The following TGM2 variants were observed in gnomAD, a reference collection of about 807,000 sequenced individuals.
The protein encoded by TGM2 is protein-glutamine gamma-glutamyltransferase 2.
A neutral mutation model predicts 75.6 loss-of-function variants in TGM2; 53 were observed. That is an observed-to-expected ratio of 0.70 (90% CI 0.56 to 0.88). The LOEUF (loss-of-function observed/expected upper bound fraction) is 0.88, where lower values mean the gene tolerates loss of function less well. Ranked by LOEUF, TGM2 falls within the 40% of genes least tolerant of loss-of-function variation. The pLI, the probability that TGM2 is intolerant of heterozygous loss-of-function variation, is 0.00. For missense variants in TGM2, 842 were observed against 928.5 expected, an observed-to-expected ratio of 0.91 and a Z score of 1.21; for synonymous variants, 374 against 381.1, an observed-to-expected ratio of 0.98 and a Z score of 0.22.
rs374295535 is a variant in TGM2, at chr20:38,141,277, C to T, written c.1099+5G>A. ...TGTTTGACGCGACAGTGCCCGCCCA[C>T]GCACCTTCGCTCTTCTCCTGGGGCG... On this transcript the variant is annotated splice_donor_5th_base_variant and intron_variant, in intron 8 of 12. Coordinates refer to ENST00000361475, the MANE Select transcript of TGM2 (RefSeq NM_004613.4). 173 of 1,564,016 alleles carry T rather than the reference C, an allele frequency of 1.1e-4. No individual in the cohort carries two copies. Among genetic ancestry groups the T allele is most frequent in the Non-Finnish European group, 1.4e-4 (163 of 1,153,402 alleles).
At position 38,161,363 on chromosome 20, in the gene TGM2, G is replaced by A. The variant is rs537164059; in HGVS notation, c.190+57C>T. 1.1e-5 allele frequency: 18 copies of A among 1,598,012 alleles called. No homozygotes were observed. The African/African-American group carries it at 2.1e-4, about 19-fold the overall frequency. ...TGTCAGGGTTCTGGGGCATGTCGGG[G>A]TGGAGAGGAAGTGGTGGTGGTGGTG... is the stretch of plus-strand genomic sequence containing the variant. On this transcript the variant is annotated intron_variant, in intron 2 of 12. Transcript: ENST00000361475.
In TGM2 at chr20:38,142,152, A is replaced by G; in HGVS notation, c.907T>C (p.Ser303Pro). The change falls in exon 7 of 13, where the codon TCG becomes CCG. Residue 303 changes from serine to proline, a missense_variant. Coordinates refer to ENST00000361475, the MANE Select transcript of TGM2 (RefSeq NM_004613.4). Reference protein sequence around the residue: ...IPTRVVTNYNSAHDQNSNLLI... With the variant: ...IPTRVVTNYNPAHDQNSNLLI... Reference sequence around the variant, plus strand: ...AGGTTGCTGTTCTGGTCATGGGCCGAGTTGTAGTTGGTCACGACGCGGGTA... The same window carrying G: ...AGGTTGCTGTTCTGGTCATGGGCCGGGTTGTAGTTGGTCACGACGCGGGTA... 3 of 1,614,078 alleles carry G rather than the reference A, an allele frequency of 1.9e-6. No individual in the cohort carries two copies. Among genetic ancestry groups the G allele is most frequent in the Admixed American group, 3.3e-5 (2 of 60,018 alleles).
intron 8 of TGM2, among the ~76,000 whole-genome samples, chr20:38,140,341 G>T (rs1466832599): frequency 6.6e-6 from 1 of 152,204 alleles, no homozygotes; most frequent in Non-Finnish European, 1.5e-5. Context: ...AAAACTATCT[G>T]CTGGAGAAAT....
At chr20:38,164,872 C>A (rs1239842638) in intron 1 of TGM2, among the ~76,000 whole-genome samples, 1 of 152,224 alleles carries the variant, frequency 6.6e-6, no homozygotes, top group Admixed American at 6.5e-5. Flanking sequence ...CCCTGCACAG[C>A]TCCAGGCACA....
chr20:38,145,062 G>T (rs959454868), intron 6 of TGM2, among the ~76,000 whole-genome samples: 23 of 152,288 alleles, frequency 1.5e-4, no homozygotes, highest in African/African-American at 5.5e-4. Context: ...GGCTCTCAGA[G>T]GGAAGTGTCT....
At position 38,158,721 on chromosome 20, in the gene TGM2, G is replaced by A. The variant is rs1288741716; in HGVS notation, c.191-2632C>T. Among the ~76,000 whole-genome samples the A allele has an allele frequency of 5.3e-5, 8 of 152,294 alleles. No individual in the cohort carries two copies. The East Asian group carries it at 1.5e-3, about 29-fold the overall frequency. On this transcript the variant is annotated intron_variant, in intron 2 of 12. Coordinates refer to ENST00000361475, the MANE Select transcript of TGM2 (RefSeq NM_004613.4). ...AACACACAACATCTAAGAATGTGTG[G>A]GGTCAGGCCACATGCTCCATTCGCT...
At chr20:38,158,824 A>G (rs2075218771) in intron 2 of TGM2, among the ~76,000 whole-genome samples, 1 of 152,246 alleles carries the variant, frequency 6.6e-6, no homozygotes, top group South Asian at 2.1e-4. Flanking sequence ...ACACAGGAGC[A>G]GAGTCAGCTG....
At position 38,146,780 on chromosome 20, in the gene TGM2, T is replaced by A; in HGVS notation, c.796A>T (p.Asn266Tyr). 6.2e-7 allele frequency: 1 copy of A among 1,613,918 alleles called. No homozygotes were observed. The highest frequency in any genetic ancestry group is 1.7e-5 in the Admixed American group (1 of 60,020). Residue 266 changes from asparagine to tyrosine, a missense_variant, in exon 6 of 13, where the codon AAC becomes TAC. Asn to Tyr is a moderately radical substitution (Grantham distance 143, BLOSUM62 -2). Transcript: ENST00000361475. Reference protein sequence around the residue: ...GSVDILRRWKNHGCQRVKYGQ... With the variant: ...GSVDILRRWKYHGCQRVKYGQ... ...TACTTGACGCGCTGGCAGCCGTGGT[T>A]CTTCCAGCGCCGCAGGATGTCCACG... is the stretch of plus-strand genomic sequence containing the variant.
chr20:38,142,481 G>A (rs923507281), intron 6 of TGM2, among the ~76,000 whole-genome samples: 14 of 152,124 alleles, frequency 9.2e-5, no homozygotes, highest in African/African-American at 2.2e-4. Flanking sequence ...GAGAGGCCGA[G>A]GGGGGCCTGA....
intron 1 of TGM2, 36 bp from the exon 2 acceptor site, chr20:38,161,635 G>A: frequency 6.2e-7 from 1 of 1,612,984 alleles, no homozygotes; most frequent in South Asian, 1.1e-5. Flanking sequence ...AGCCTCGGGG[G>A]CATCCTTCAG....
In TGM2 at chr20:38,138,770, G is replaced by A. The variant is rs1485032445; in HGVS notation, c.1343-385C>T. 3.3e-5 allele frequency among the ~76,000 whole-genome samples: 5 copies of A among 152,168 alleles called. No homozygotes were observed. In the South Asian group the frequency reaches 6.2e-4, roughly 19 times the overall value. On this transcript the variant is annotated intron_variant, in intron 9 of 12. Coordinates refer to ENST00000361475, the MANE Select transcript of TGM2 (RefSeq NM_004613.4). The stretch of plus-strand genomic sequence containing the variant: ...ACAGTGCAATCTTTCTTACCTTCAA[G>A]CAATTACACAGGGATTACTTCTACC...
chr20:38,153,976 C>T (rs999656599), intron 3 of TGM2, among the ~76,000 whole-genome samples: 4 of 152,156 alleles, frequency 2.6e-5, no homozygotes, highest in African/African-American at 4.8e-5. Flanking sequence ...GTCATCACAT[C>T]GGTCTAATTT....
chr20:38,149,619 T>C (rs553182985), intron 4 of TGM2, among the ~76,000 whole-genome samples: 164 of 138,492 alleles, frequency 1.2e-3, no homozygotes, highest in African/African-American at 3.8e-3. Flanking sequence ...GCAGATCTTG[T>C]AGTGAGCCGA....
intron 11 of TGM2, 58 bp downstream of exon 11, chr20:38,132,282 C>T (rs2122848488): frequency 6.2e-7 from 1 of 1,603,754 alleles, no homozygotes; most frequent in Non-Finnish European, 8.5e-7. Context: ...TAGGGATCTG[C>T]CCTCTCCCCA....
intron 2 of TGM2, among the ~76,000 whole-genome samples, chr20:38,160,137 G>T (rs1320207842): frequency 6.6e-6 from 1 of 152,228 alleles, no homozygotes; most frequent in Non-Finnish European, 1.5e-5. Context: ...CTAGGCTGCA[G>T]TCCCCATGAT....
At position 38,139,561 on chromosome 20, in the gene TGM2, T is replaced by C. The variant is rs375147919; in HGVS notation, c.1193A>G (p.Asn398Ser). The change falls in exon 9 of 13, where the codon AAT becomes AGT. Residue 398 changes from asparagine (N) to serine (S), a missense_variant. Physicochemically the swap from Asn to Ser is conservative, Grantham distance 46. Coordinates refer to ENST00000361475, the MANE Select transcript of TGM2 (RefSeq NM_004613.4). ...CTGGATCCAGTCTACCACGTCGGCA[T>C]TGACCTCCGCAAAGACAAAGGGCGC... ...YDAPFVFAEVNADVVDWIQQD... is the reference protein window; with the variant it reads ...YDAPFVFAEVSADVVDWIQQD... The C allele has an allele frequency of 1.4e-5, 22 of 1,614,070 alleles. No individual in the cohort carries two copies. Among genetic ancestry groups the C allele is most frequent in the Non-Finnish European group, 1.6e-5 (19 of 1,180,044 alleles).
chr20:38,138,393 G>T lies in TGM2; in HGVS notation c.1343-8C>A. ...CCCTCTCCTCTGAGGACCCTGTAGG[G>T]GTTGAGAAGAGAGCCTCAATCACAG... is the stretch of plus-strand genomic sequence containing the variant. On this transcript the variant is annotated splice_polypyrimidine_tract_variant and splice_region_variant and intron_variant, in intron 9 of 12. Coordinates refer to ENST00000361475, the MANE Select transcript of TGM2 (RefSeq NM_004613.4). 1.2e-6 allele frequency: 2 copies of T among 1,613,674 alleles called. No individual in the cohort carries two copies. Among genetic ancestry groups the T allele is most frequent in the Non-Finnish European group, 1.7e-6 (2 of 1,180,028 alleles).
At position 38,165,216 on chromosome 20, in the gene TGM2, G is replaced by A. The variant is rs1167363810; in HGVS notation, c.-18C>T. On this transcript the variant is annotated 5_prime_UTR_variant, in exon 1 of 13. Coordinates refer to ENST00000361475, the MANE Select transcript of TGM2 (RefSeq NM_004613.4). ...TCGGCCATGGTCGGGCGGGGGCGGT[G>A]GCTCCTTCCACTGGCGGCGAGACCC... 1.2e-6 allele frequency: 2 copies of A among 1,613,194 alleles called. No individual in the cohort carries two copies. The highest frequency in any genetic ancestry group is 2.2e-5 in the South Asian group (2 of 91,076).
At chr20:38,167,680 A>C (rs545925962), upstream of TGM2, among the ~76,000 whole-genome samples, 1 of 152,290 alleles carries the variant, frequency 6.6e-6, no homozygotes, top group African/African-American at 2.4e-5. Flanking sequence ...AGTGTCCAGC[A>C]TGGTGCCTGG....
Sources: gnomAD v4.1 joint callset for allele counts (sites outside exome capture counted in the v4.1 genomes callset) on GRCh38, gnomAD v4.1.1 for gene constraint, MANE v1.5 for transcripts, NCBI Gene and HGNC (gene_info 2026-07-23, HGNC 2026-07-21) for gene names.